CUX1: variants seen among roughly 807,000 people sequenced by gnomAD.
CUX1 encodes the protein cut like homeobox 1.
In CUX1, 31 loss-of-function variants were observed where a neutral mutation model predicts 158.8. The ratio of observed to expected loss-of-function variants is 0.20; its 90% CI spans 0.15 to 0.26. The LOEUF (loss-of-function observed/expected upper bound fraction) is 0.26. CUX1 is among the 10% of genes least tolerant of loss of function. The probability of loss-of-function intolerance (pLI) is 1.00; values close to 1 mark genes in which losing one functional copy is unlikely to be tolerated. For synonymous variants in CUX1, 879 were observed against 862.1 expected, an observed-to-expected ratio of 1.02 and a Z score of -0.34; for missense variants, 1,589 against 2,014.6, an observed-to-expected ratio of 0.79 and a Z score of 4.04.
intron 3 of CUX1, among the ~76,000 whole-genome samples, chr7:102,056,593 A>G (rs1256234875): frequency 1.3e-5 from 2 of 152,232 alleles, no homozygotes; most frequent in African/African-American, 4.8e-5. Flanking sequence ...CTTTTCTGAG[A>G]CAGTCTTGCT....
intron 1 of CUX1, among the ~76,000 whole-genome samples, chr7:101,874,752 T>G (rs1798945675): frequency 6.6e-6 from 1 of 152,156 alleles, no homozygotes; most frequent in African/African-American, 2.4e-5. Context: ...GTAACAAAGA[T>G]TCTAAGGATT....
intron 2 of CUX1, among the ~76,000 whole-genome samples, chr7:101,984,225 T>C (rs1813972725): frequency 6.9e-6 from 1 of 145,506 alleles, no homozygotes; most frequent in Non-Finnish European, 1.5e-5. Flanking sequence ...GCTATTAGAC[T>C]GTCAGGCATT....
chr7:102,180,394 G>A (rs782662175), intron 11 of CUX1, among the ~76,000 whole-genome samples: 2 of 149,798 alleles, frequency 1.3e-5, no homozygotes, highest in Non-Finnish European at 3.0e-5. Flanking sequence ...ATAGTTCACG[G>A]CAACCTCGAA....
At chr7:102,156,023 T>C (rs551859042) in intron 8 of CUX1, among the ~76,000 whole-genome samples, 16 of 152,336 alleles carry the variant, frequency 1.1e-4, no homozygotes, top group African/African-American at 3.8e-4. Flanking sequence ...CCGGATATTA[T>C]TTCAAACAGA....
intron 8 of CUX1, among the ~76,000 whole-genome samples, chr7:102,121,697 T>C (rs1832066022): frequency 6.6e-6 from 1 of 152,162 alleles, no homozygotes. Flanking sequence ...CTGAGTGTTA[T>C]CTTGTTTGCC....
Position 102,178,547 on chromosome 7 carries a change from G to C in CUX1, c.907G>C (p.Val303Leu), listed in dbSNP as rs1264313697. ...CAAGGAGCGGGAGATCGCACAGCTG[G>C]TGGAGGACGTGCAGAGACTCCAGGC... ...AAKEREIAQL[V>L]EDVQRLQASL... The change falls in exon 11 of 24, where the codon GTG becomes CTG. Residue 303 changes from valine to leucine, a missense_variant. This residue lies in a region of CUX1 where 515 missense variants were observed against 574.4 expected (regional missense o/e 0.90). Coordinates refer to ENST00000292535, the MANE Select transcript of CUX1 (RefSeq NM_181552.4). 6.2e-7 allele frequency: 1 copy of C among 1,613,570 alleles called. No homozygotes were observed. The highest frequency in any genetic ancestry group is 2.2e-5 in the East Asian group (1 of 44,868).
chr7:101,911,687 G>T (rs114315617), intron 1 of CUX1, among the ~76,000 whole-genome samples: 3 of 152,268 alleles, frequency 2.0e-5, no homozygotes, highest in African/African-American at 4.8e-5. Context: ...TTCTGTGCAA[G>T]GGTGGGGCTC....
At chr7:101,837,780 A>G (rs1342718521) in intron 1 of CUX1, among the ~76,000 whole-genome samples, 1 of 134,810 alleles carries the variant, frequency 7.4e-6, no homozygotes, top group Non-Finnish European at 1.5e-5. Context: ...GCAGGGAGCC[A>G]TGATCGTGAC....
Position 102,255,892 on chromosome 7 carries a change from G to T in CUX1, c.*6850G>T. On this transcript the variant is annotated 3_prime_UTR_variant, in exon 24 of 24. Coordinates refer to ENST00000292535, the MANE Select transcript of CUX1 (RefSeq NM_181552.4). ...AAAGCACTTAAATAGATGACTATGT[G>T]TAAAAGCTCTGTGCAATTGAAATCA... 5 of 985,168 alleles carry T rather than the reference G, an allele frequency of 5.1e-6. No homozygotes were observed. The highest frequency in any genetic ancestry group is 4.8e-6 in the Non-Finnish European group (4 of 829,852). 61.0% of individuals were successfully genotyped at this position (985,168 alleles called of 1,614,324 possible).
intron 8 of CUX1, among the ~76,000 whole-genome samples, chr7:102,143,539 C>T (rs1834688881): frequency 6.6e-6 from 1 of 152,210 alleles, no homozygotes; most frequent in African/African-American, 2.4e-5. Flanking sequence ...TCCCAAAGTG[C>T]TGGGATTACA....
rs142155041 is a variant in CUX1, at chr7:102,282,736, G to A, written c.1927G>A (p.Glu643Lys). The change falls in exon 22 of 23, where the codon GAG (glutamate) becomes AAG (lysine). Residue 643 changes from glutamate to lysine, a missense_variant. Glu to Lys is a moderately conservative substitution (Grantham distance 56, BLOSUM62 1). Transcript: ENST00000292538. ...GGTGCTCTACAAGCTGGCATGGAGC[G>A]AGAGCATGGAGAGGGACTGTGCCAC... The A allele has an allele frequency of 9.9e-5, 160 of 1,613,618 alleles. No homozygotes were observed. The African/African-American group carries it at 1.7e-3, about 17-fold the overall frequency.
chr7:102,142,747 C>A (rs116942124), intron 8 of CUX1, among the ~76,000 whole-genome samples: 1,686 of 151,744 alleles, frequency 0.011, 17 homozygotes, highest in Non-Finnish European at 0.017. Flanking sequence ...CATAGTGAGA[C>A]CTTGTTTCTG....
chr7:102,157,048 G>A (rs950952255), intron 8 of CUX1, among the ~76,000 whole-genome samples: 46 of 152,366 alleles, frequency 3.0e-4, no homozygotes, highest in African/African-American at 1.1e-3. Context: ...GGCAGGCGGC[G>A]CAGGTGGAGG....
chr7:102,238,199 A>C (rs545892951), intron 22 of CUX1, among the ~76,000 whole-genome samples: 43 of 152,098 alleles, frequency 2.8e-4, no homozygotes, highest in African/African-American at 9.9e-4. Flanking sequence ...CCCCGGGGAA[A>C]GGGATACTCC....
In CUX1 at chr7:102,191,639, A is replaced by G. The variant is rs112022083; in HGVS notation, c.1076+1768A>G. On this transcript the variant is annotated intron_variant, in intron 12 of 23. Coordinates refer to ENST00000292535, the MANE Select transcript of CUX1 (RefSeq NM_181552.4). ...AAATTGGGCCTTTTAATTTTGAGCC[A>G]GAGAAACTGCTGCGAAGGCCTTTGC... 2.9e-3 allele frequency among the ~76,000 whole-genome samples: 443 copies of G among 152,286 alleles called. 5 individuals are homozygous for G. The highest frequency in any genetic ancestry group is 0.01 in the African/African-American group (424 of 41,558).
At chr7:101,851,268 CATAG>C (rs1455536279) in intron 1 of CUX1, among the ~76,000 whole-genome samples, 1 of 152,138 alleles carries the variant, frequency 6.6e-6, no homozygotes, top group Non-Finnish European at 1.5e-5. Flanking sequence ...CCTCCAGCAA[CATAG>C]ATCTCTTAAA....
intron 1 of CUX1, among the ~76,000 whole-genome samples, chr7:101,866,567 G>A (rs1436694592): frequency 4.6e-5 from 7 of 152,284 alleles, no homozygotes; most frequent in Admixed American, 4.6e-4. Flanking sequence ...AGGAGTTGGA[G>A]GCTGCAGTGA....
At chr7:102,022,383 T>A (rs1350741313) in intron 2 of CUX1, among the ~76,000 whole-genome samples, 2 of 151,850 alleles carry the variant, frequency 1.3e-5, no homozygotes, top group Non-Finnish European at 2.9e-5. Context: ...TCTGGGAGGC[T>A]GATGTGGGTG....
At chr7:102,045,238 A>G (rs1330509136) in intron 3 of CUX1, among the ~76,000 whole-genome samples, 1 of 152,212 alleles carries the variant, frequency 6.6e-6, no homozygotes, top group Non-Finnish European at 1.5e-5. Flanking sequence ...GCAGAAAGGG[A>G]TCTAACCTTG....
Sources: allele counts gnomAD v4.1 joint callset (sites outside exome capture counted in the v4.1 genomes callset), GRCh38; gene constraint gnomAD v4.1.1; regional missense constraint gnomAD v4.1.1; transcripts MANE v1.5; gene names NCBI Gene and HGNC (gene_info 2026-07-23, HGNC 2026-07-21).